Variants in FAIM2 observed in about 807,000 individuals in gnomAD.
FAIM2 encodes the protein protein lifeguard 2.
In FAIM2, 27 loss-of-function variants were observed where a neutral mutation model predicts 47.4. The observed-to-expected ratio is 0.57, with a 90% CI of 0.42 to 0.78. The LOEUF (loss-of-function observed/expected upper bound fraction) is 0.78. Ranked by LOEUF, FAIM2 falls within the 30% of genes least tolerant of loss-of-function variation. FAIM2 has a pLI of 0.00. For synonymous variants in FAIM2, 156 were observed against 159.3 expected (o/e 0.98, Z 0.16); for missense variants, 311 against 389.4 (o/e 0.80, Z 1.69).
chr12:49,871,079 G>A (rs987221485), intron 11 of FAIM2, among the ~76,000 whole-genome samples: 12 of 152,152 alleles, frequency 7.9e-5, no homozygotes, highest in African/African-American at 2.4e-4. Context: ...CATTCCCTCC[G>A]GACCCTGCTC....
At position 49,870,356 on chromosome 12, in the gene FAIM2, A is replaced by G. The variant is rs112150562; in HGVS notation, c.*148T>C. ...CCCATGGCGTATGTACAAGCGGCAG[A>G]GGGCTGGGCTGGGCTGGGGTAGACA... On this transcript the variant is annotated 3_prime_UTR_variant, in exon 12 of 12. Transcript: ENST00000320634. 6.0e-4 allele frequency: 424 copies of G among 702,406 alleles called. 2 individuals are homozygous for G. In the African/African-American group the frequency reaches 6.3e-3, roughly 10 times the overall value. The allele number at this position is 702,406 out of a possible 1,614,324, so 43.5% of individuals were successfully genotyped here.
chr12:49,880,336 A>C (rs1946805420), intron 11 of FAIM2, among the ~76,000 whole-genome samples: 1 of 147,846 alleles, frequency 6.8e-6, no homozygotes, highest in East Asian at 2.0e-4. Flanking sequence ...GTCTGTGTGC[A>C]TGTTTGTGTA....
intron 11 of FAIM2, among the ~76,000 whole-genome samples, chr12:49,878,491 T>C (rs1458299964): frequency 2.5e-5 from 3 of 120,542 alleles, no homozygotes; most frequent in Non-Finnish European, 5.0e-5. Context: ...TGTGTATATG[T>C]ATGTGCATGT....
chr12:49,898,379 C>T (rs59644708), intron 2 of FAIM2, among the ~76,000 whole-genome samples: 28 of 64,552 alleles, frequency 4.3e-4, no homozygotes, highest in South Asian at 3.5e-3. Context: ...CTCTGCCATA[C>T]GAATGTGAAT....
rs570207863 is a variant in FAIM2 at position 49,894,562 on chromosome 12, C to A, written c.434+2469G>T. ...GAGAGAGAACCAATGATTTATGCAT[C>A]AGAGCCCCAGCCCCAGGGCCTGGGC... On this transcript the variant is annotated intron_variant, in intron 5 of 11. Transcript: ENST00000320634. Among the ~76,000 whole-genome samples, 3 of 152,162 alleles carry A rather than the reference C, an allele frequency of 2.0e-5. No homozygotes were observed. The South Asian group carries it at 6.2e-4, about 32-fold the overall frequency.
chr12:49,871,231 T>G (rs1050971299), intron 11 of FAIM2, among the ~76,000 whole-genome samples: 8 of 152,214 alleles, frequency 5.3e-5, no homozygotes, highest in African/African-American at 1.4e-4. Flanking sequence ...CCTTAAATAT[T>G]AGCTAAAGGT....
intron 11 of FAIM2, among the ~76,000 whole-genome samples, chr12:49,883,232 T>G (rs897218502): frequency 1.3e-5 from 2 of 152,140 alleles, no homozygotes; most frequent in African/African-American, 2.4e-5. Context: ...GCTGCTGTGC[T>G]GTGCATAGAT....
intron 11 of FAIM2, among the ~76,000 whole-genome samples, chr12:49,880,862 G>C (rs1205113403): frequency 1.5e-5 from 2 of 135,372 alleles, no homozygotes; most frequent in Non-Finnish European, 1.5e-5. Context: ...ATATGCATGT[G>C]TGTATATGCG....
intron 11 of FAIM2, among the ~76,000 whole-genome samples, chr12:49,880,674 CTA>C (rs1423214468): frequency 3.4e-5 from 5 of 147,638 alleles, no homozygotes; most frequent in Admixed American, 2.0e-4. Flanking sequence ...GTGTGCGTGT[CTA>C]TATGTGCATG....
At position 49,889,178 on chromosome 12, in the gene FAIM2, C is replaced by T. The variant is rs202170303; in HGVS notation, c.676G>A (p.Val226Met). The T allele has an allele frequency of 2.2e-4, 352 of 1,612,018 alleles. 1 individual carries two copies. In the Admixed American group the frequency reaches 4.0e-3, roughly 18 times the overall value. ...TKFDFTSCQG[V>M]LFVLLMTLFF... ...AGAGTCATGAGAAGCACGAAGAGCA[C>T]GCCCTGGCAGGAGGTGAAGTCGAAC... is the stretch of plus-strand genomic sequence containing the variant. Residue 226 changes from valine (V) to methionine (M), a missense_variant, in exon 10 of 12, where the codon GTG (valine) becomes ATG (methionine). Coordinates refer to ENST00000320634, the MANE Select transcript of FAIM2 (RefSeq NM_012306.4).
rs776668988 is a variant in FAIM2 at position 49,901,185 on chromosome 12, G to A, written c.156C>T (p.Phe52=). 5 of 1,608,724 alleles carry A rather than the reference G, an allele frequency of 3.1e-6. No individual in the cohort carries two copies. Among genetic ancestry groups the A allele is most frequent in the Non-Finnish European group, 4.2e-6 (5 of 1,177,746 alleles). Residue 52 remains phenylalanine, a synonymous_variant, in exon 2 of 12, where the codon TTC becomes TTT. Transcript: ENST00000320634. ...GAGGCACCGCTGTGGGGGCTGGGGG[G>A]AAGGCCCCTGCCTTCATCCCCTCCC... The part of the protein sequence containing the change: ...TSGEGMKAGA[F]PPAPTAVPLH...
chr12:49,896,810 G>A (rs527374647), intron 5 of FAIM2, among the ~76,000 whole-genome samples: 3 of 152,132 alleles, frequency 2.0e-5, no homozygotes, highest in Admixed American at 6.5e-5. Flanking sequence ...ACCTACCCCC[G>A]TCTCCTTTGT....
At chr12:49,888,797 C>T (rs1216096853) in intron 10 of FAIM2, among the ~76,000 whole-genome samples, 1 of 152,210 alleles carries the variant, frequency 6.6e-6, no homozygotes, top group Non-Finnish European at 1.5e-5. Flanking sequence ...GTACTCCCTT[C>T]CCTGCCCAGG....
intron 3 of FAIM2, 59 bp from the exon 4 acceptor site, chr12:49,897,642 C>T (rs775984583): frequency 1.2e-5 from 16 of 1,304,574 alleles, no homozygotes; most frequent in Middle Eastern, 1.9e-4. Context: ...CTGTCAGCCC[C>T]GCAGTGACTC....
chr12:49,869,797 C>G lies in FAIM2; in HGVS notation c.*707G>C, dbSNP rs892366198. On this transcript the variant is annotated 3_prime_UTR_variant, in exon 12 of 12. Coordinates refer to ENST00000320634, the MANE Select transcript of FAIM2 (RefSeq NM_012306.4). ...CCCAGGGCAGGCCCTTACCAAGGAGCGGGGCCCCCTGCCCTCACCTCCTGC... is the reference window on the plus strand; with the variant it reads ...CCCAGGGCAGGCCCTTACCAAGGAGGGGGGCCCCCTGCCCTCACCTCCTGC... 2.6e-5 allele frequency: 4 copies of G among 152,192 alleles called. No individual in the cohort carries two copies. The highest frequency in any genetic ancestry group is 9.7e-5 in the African/African-American group (4 of 41,394). 9.4% of individuals were successfully genotyped at this position (152,192 alleles called of 1,614,324 possible).
At chr12:49,882,022 C>T (rs149101090) in intron 11 of FAIM2, among the ~76,000 whole-genome samples, 128 of 152,362 alleles carry the variant, frequency 8.4e-4, no homozygotes, top group Non-Finnish European at 1.3e-3. Flanking sequence ...TTCCAAAGCT[C>T]AGGTTGGTGG....
chr12:49,874,612 C>T lies in FAIM2; in HGVS notation c.802-3959G>A, dbSNP rs771051975. On this transcript the variant is annotated intron_variant, in intron 11 of 11. Transcript: ENST00000320634. This position sits in a 1 kb window ranked among gnomAD's most constrained non-coding sequence, Gnocchi z 4.2. ...TCCCTGAATGTGGCCCCAGAGGTGA[C>T]GCTGAGGGGCTCTGGGCAGTGCATG... Among the ~76,000 whole-genome samples the T allele has an allele frequency of 3.6e-4, 55 of 152,156 alleles. No homozygotes were observed. Among genetic ancestry groups the T allele is most frequent in the Admixed American group, 1.8e-3 (27 of 15,278 alleles).
At chr12:49,880,243 T>C (rs933743970) in intron 11 of FAIM2, among the ~76,000 whole-genome samples, 1 of 151,932 alleles carries the variant, frequency 6.6e-6, no homozygotes, top group African/African-American at 2.4e-5. Flanking sequence ...TGTGTATGTG[T>C]ATGTTCATGT....
chr12:49,880,793 T>C (rs539108478), intron 11 of FAIM2, among the ~76,000 whole-genome samples: 55 of 152,128 alleles, frequency 3.6e-4, no homozygotes, highest in African/African-American at 1.2e-3. Flanking sequence ...TGTATGTATA[T>C]GTGTTTGTGC....
Sources: gnomAD v4.1 joint callset for allele counts (sites outside exome capture counted in the v4.1 genomes callset) on GRCh38, gnomAD v4.1.1 for gene constraint, Gnocchi (gnomAD v3.1) non-coding constraint, MANE v1.5 for transcripts, NCBI Gene and HGNC (gene_info 2026-07-23, HGNC 2026-07-21) for gene names.